MYOM1: variants seen among roughly 807,000 people sequenced by gnomAD.
MYOM1 encodes the protein myomesin-1.
A neutral mutation model predicts 205.3 loss-of-function variants in MYOM1; 164 were observed. The ratio of observed to expected loss-of-function variants is 0.80; its 90% CI spans 0.70 to 0.91. MYOM1 has a LOEUF of 0.91. Among genes scored for constraint, MYOM1 ranks in the 40% least tolerant of loss-of-function variants. The pLI is 0.00. For synonymous variants in MYOM1, 772 were observed against 789.4 expected, an observed-to-expected ratio of 0.98 and a Z score of 0.37; for missense variants, 2,011 against 2,127.3, an observed-to-expected ratio of 0.95 and a Z score of 1.08.
Position 3,126,853 on chromosome 18 carries a change from GA to G in MYOM1, c.2838del (p.Arg947ValfsTer24). On this transcript the variant is annotated frameshift_variant, in exon 19 of 38. Coordinates refer to ENST00000356443, the MANE Select transcript of MYOM1 (RefSeq NM_003803.4). LOFTEE classifies it high-confidence loss of function. ...PPCDITCLES[F>X]RDSMVLGWKQ... is the part of the protein sequence containing the mutation. ...TTCCATCCAAGAACCATTGAGTCAC[GA>G]AAACTTTCAAGACAGGTGATATCAC... is the stretch of plus-strand genomic sequence containing the variant. 1 of 1,612,872 alleles carries G rather than the reference GA, an allele frequency of 6.2e-7. No homozygotes were observed. The highest frequency in any genetic ancestry group is 8.5e-7 in the Non-Finnish European group (1 of 1,179,452).
intron 2 of MYOM1, among the ~76,000 whole-genome samples, chr18:3,212,894 T>C (rs2081208336): frequency 6.6e-6 from 1 of 152,222 alleles, no homozygotes; most frequent in African/African-American, 2.4e-5. Context: ...AGTGACAGTA[T>C]TTCCCTATCT....
At chr18:3,073,111 C>A (rs1316358807) in intron 36 of MYOM1, among the ~76,000 whole-genome samples, 1 of 151,894 alleles carries the variant, frequency 6.6e-6, no homozygotes, top group Non-Finnish European at 1.5e-5. Context: ...CCAGGCCTGG[C>A]CATAAGCTTT....
In MYOM1 at chr18:3,088,905, T is replaced by C. The variant is rs4413045; in HGVS notation, c.4137+269A>G. Among the ~76,000 whole-genome samples the C allele has an allele frequency of 0.55, 83,903 of 152,036 alleles. 23,960 individuals are homozygous for C. Among genetic ancestry groups the C allele is most frequent in the Admixed American group, 0.68 (10,350 of 15,274 alleles). Reference sequence around the variant, plus strand: ...CTTAAAACAAAAACGTGAGAGTCTTTGGAGATTACTAATTAGATAAAAGTC... The same window carrying C: ...CTTAAAACAAAAACGTGAGAGTCTTCGGAGATTACTAATTAGATAAAAGTC... On this transcript the variant is annotated intron_variant, in intron 29 of 37. Coordinates refer to ENST00000356443, the MANE Select transcript of MYOM1 (RefSeq NM_003803.4).
At chr18:3,149,341 A>G in intron 12 of MYOM1, 140 bp from the exon 13 acceptor site, 1 of 649,926 alleles carries the variant, frequency 1.5e-6, no homozygotes, top group Non-Finnish European at 2.7e-6. Flanking sequence ...CATGAATGGT[A>G]TCAATCATGT....
intron 21 of MYOM1, 63 bp downstream of exon 21, chr18:3,116,268 C>T (rs2079603274): frequency 2.0e-6 from 3 of 1,521,580 alleles, no homozygotes; most frequent in East Asian, 2.4e-5. Context: ...ATCTTGCTAA[C>T]TTTAAAGTTC....
At chr18:3,220,084 CT>C (rs2081314337), upstream of MYOM1, 1 of 152,186 alleles carries the variant, frequency 6.6e-6, no homozygotes, top group Non-Finnish European at 1.5e-5. Context: ...AGGTAGCAGC[CT>C]TAGTAATATA....
At chr18:3,215,566 C>T (rs1471088944) in intron 1 of MYOM1, among the ~76,000 whole-genome samples, 1 of 151,988 alleles carries the variant, frequency 6.6e-6, no homozygotes, top group Non-Finnish European at 1.5e-5. Flanking sequence ...TTGACCATTG[C>T]ACTCAGCTTG....
chr18:3,085,942 C>G lies in MYOM1; in HGVS notation c.4251+96G>C, dbSNP rs1598656233. ...TTGGAAGTAAGCTAATATAAATCCC[C>G]TGGTCATGAAAGGAATACAGAATCT... On this transcript the variant is annotated intron_variant, in intron 30 of 37. Transcript: ENST00000356443. 11 of 714,836 alleles carry G rather than the reference C, an allele frequency of 1.5e-5. No individual in the cohort carries two copies. In the South Asian group the frequency reaches 1.9e-4, roughly 12 times the overall value. 44.3% of individuals were successfully genotyped at this position (714,836 alleles called of 1,614,324 possible).
chr18:3,072,350 C>CTTTTTTT lies in MYOM1; in HGVS notation c.4709-468_4709-462dup, dbSNP rs78331937. On this transcript the variant is annotated intron_variant, in intron 36 of 37. Transcript: ENST00000356443. ...AGCAGGCGTGAGCCACCGCACCCGG[C>CTTTTTTT]TTTTTTTTTTTTTTTTTTTTTGAGG... 4.4e-3 allele frequency among the ~76,000 whole-genome samples: 247 copies of CTTTTTTT among 56,200 alleles called. 50 individuals carry two copies. Among genetic ancestry groups the CTTTTTTT allele is most frequent in the African/African-American group, 0.012 (132 of 10,698 alleles). The allele number at this position is 56,200 out of a possible 152,430, so 36.9% of individuals were successfully genotyped here.
Position 3,071,507 on chromosome 18 carries a change from A to T in MYOM1, c.4764+327T>A, listed in dbSNP as rs528642286. On this transcript the variant is annotated intron_variant, in intron 37 of 37. Transcript: ENST00000356443. ...CCAAATAGCTGGGATTACAGGCACCAGCCACCACACCCAGCTAATTTTTGT... is the reference window on the plus strand; with the variant it reads ...CCAAATAGCTGGGATTACAGGCACCTGCCACCACACCCAGCTAATTTTTGT... 1.4e-3 allele frequency among the ~76,000 whole-genome samples: 213 copies of T among 152,096 alleles called. 1 individual carries two copies. Among genetic ancestry groups the T allele is most frequent in the African/African-American group, 4.7e-3 (195 of 41,472 alleles).
At chr18:3,160,807 T>G (rs1346596469) in intron 10 of MYOM1, among the ~76,000 whole-genome samples, 1 of 152,208 alleles carries the variant, frequency 6.6e-6, no homozygotes. Context: ...ATTTGAAAGC[T>G]GGCTTAAGTA....
chr18:3,187,038 G>T (rs1276988034), intron 5 of MYOM1, among the ~76,000 whole-genome samples: 1 of 152,188 alleles, frequency 6.6e-6, no homozygotes, highest in African/African-American at 2.4e-5. Context: ...GCTCACATGA[G>T]GGGTAGAGAT....
At chr18:3,210,446 A>G (rs1006344576) in intron 2 of MYOM1, among the ~76,000 whole-genome samples, 5 of 152,126 alleles carry the variant, frequency 3.3e-5, no homozygotes, top group Non-Finnish European at 7.4e-5. Context: ...GTGCCCAGGG[A>G]AAGTCACTCA....
At chr18:3,197,618 A>C (rs1299386105) in intron 2 of MYOM1, among the ~76,000 whole-genome samples, 8 of 152,146 alleles carry the variant, frequency 5.3e-5, no homozygotes, top group Non-Finnish European at 8.8e-5. Flanking sequence ...TCACGCCTGT[A>C]ATCCCAGCAC....
At chr18:3,216,923 A>G (rs2081274979) in intron 1 of MYOM1, 1 of 152,210 alleles carries the variant, frequency 6.6e-6, no homozygotes, top group Non-Finnish European at 1.5e-5. Flanking sequence ...TAGGGTCCTT[A>G]AAGAGGAAGT....
intron 37 of MYOM1, among the ~76,000 whole-genome samples, chr18:3,070,562 T>G (rs1323317446): frequency 6.6e-6 from 1 of 152,218 alleles, no homozygotes; most frequent in Non-Finnish European, 1.5e-5. Flanking sequence ...AGGCCTTATT[T>G]GGCATCTTAT....
intron 2 of MYOM1, among the ~76,000 whole-genome samples, chr18:3,212,938 G>A (rs533236448): frequency 4.0e-4 from 61 of 152,236 alleles, no homozygotes; most frequent in South Asian, 1.0e-3. Context: ...AATATCCCAC[G>A]GCAGAATATG....
At chr18:3,221,569 A>G (rs147323893), upstream of MYOM1, among the ~76,000 whole-genome samples, 965 of 152,328 alleles carry the variant, frequency 6.3e-3, 5 homozygotes, top group African/African-American at 0.022. Flanking sequence ...CAGAAACGCA[A>G]CTTCATTCAG....
At chr18:3,208,431 A>G (rs2081152828) in intron 2 of MYOM1, among the ~76,000 whole-genome samples, 1 of 152,192 alleles carries the variant, frequency 6.6e-6, no homozygotes, top group South Asian at 2.1e-4. Flanking sequence ...CTGAGCCAAG[A>G]GGATCTGCCT....
Sources: gnomAD v4.1 joint callset for allele counts (sites outside exome capture counted in the v4.1 genomes callset) on GRCh38, gnomAD v4.1.1 for gene constraint, MANE v1.5 for transcripts, NCBI Gene and HGNC (gene_info 2026-07-23, HGNC 2026-07-21) for gene names.